Variants in AZIN2 observed in about 807,000 individuals in gnomAD.
AZIN2 encodes antizyme inhibitor 2, also known as ODC antizyme inhibitor-2.
In AZIN2, 28 loss-of-function variants were observed where a neutral mutation model predicts 47.8. The observed-to-expected ratio is 0.59, with a 90% CI of 0.43 to 0.80. The LOEUF is 0.80. Ranked by LOEUF, AZIN2 falls within the 30% of genes least tolerant of loss-of-function variation. AZIN2 has a pLI of 0.00. For synonymous variants in AZIN2, 221 were observed against 239.4 expected, an observed-to-expected ratio of 0.92 and a Z score of 0.71; for missense variants, 535 against 582.5, an observed-to-expected ratio of 0.92 and a Z score of 0.84.
At chr1:33,091,802 A>G (rs188529900) in intron 5 of AZIN2, among the ~76,000 whole-genome samples, 16 of 152,352 alleles carry the variant, frequency 1.1e-4, no homozygotes, top group African/African-American at 3.6e-4. Flanking sequence ...TTCATTCTGA[A>G]TGGGAACTCC....
chr1:33,090,081 C>G (rs548175473), intron 5 of AZIN2, among the ~76,000 whole-genome samples: 2 of 152,212 alleles, frequency 1.3e-5, no homozygotes, highest in African/African-American at 4.8e-5. Context: ...TGGCAAACTA[C>G]GGATGGAAGG....
the AZIN2 span, among the ~76,000 whole-genome samples, chr1:33,156,540 G>A: frequency 2.0e-5 from 3 of 152,152 alleles, no homozygotes; most frequent in South Asian, 2.1e-4. Flanking sequence ...GCTCCTTCTC[G>A]GTCTCCTTGG....
the AZIN2 span, chr1:33,165,581 G>T: frequency 6.3e-7 from 1 of 1,594,784 alleles, no homozygotes; most frequent in East Asian, 2.3e-5. The surrounding 1 kb of genome is among the most constrained non-coding windows in gnomAD (Gnocchi z 4.0). Flanking sequence ...AACACACACA[G>T]GGCCGGGATG....
At chr1:33,087,468 G>A (rs1642051863) in intron 5 of AZIN2, among the ~76,000 whole-genome samples, 1 of 144,950 alleles carries the variant, frequency 6.9e-6, no homozygotes, top group East Asian at 2.1e-4. Context: ...ACAGAGTCTT[G>A]CTCTGTTGCC....
rs183102274 is a variant in AZIN2 at position 33,115,596 on chromosome 1, C to T, written c.1030-2306C>T. 9.8e-5 allele frequency among the ~76,000 whole-genome samples: 10 copies of T among 102,064 alleles called. No homozygotes were observed. The East Asian group carries it at 2.6e-3, about 27-fold the overall frequency. 67.0% of individuals were successfully genotyped at this position (102,064 alleles called of 152,430 possible). ...GCCGGCACCTGTAATCTCAGCTACT[C>T]GGGAGGCTGAGACAGGAGAATCGCT... On this transcript the variant is annotated intron_variant, in intron 10 of 11. Transcript: ENST00000294517.
chr1:33,108,963 G>A (rs1465386294), intron 10 of AZIN2, among the ~76,000 whole-genome samples: 4 of 152,126 alleles, frequency 2.6e-5, no homozygotes, highest in Non-Finnish European at 4.4e-5. Context: ...ATTTCAAAGC[G>A]GCTGTACCAT....
rs777314914 is a variant in AZIN2, at chr1:33,109,518, G to A, written c.1030-8384G>A. ...TAGTTTTTGTATTTTTAGTAGAGAC[G>A]GGGTTTCACCATGTTGTCCAGGCTG... On this transcript the variant is annotated intron_variant, in intron 10 of 11. Coordinates refer to ENST00000294517, the MANE Select transcript of AZIN2 (RefSeq NM_052998.4). Among the ~76,000 whole-genome samples, 35 of 151,786 alleles carry A rather than the reference G, an allele frequency of 2.3e-4. No individual in the cohort carries two copies. The East Asian group carries it at 4.7e-3, about 20-fold the overall frequency.
At chr1:33,083,906 G>T in intron 4 of AZIN2, 48 bp from the exon 5 acceptor site, 1 of 1,607,622 alleles carries the variant, frequency 6.2e-7, no homozygotes, top group African/African-American at 1.3e-5. Context: ...GCATGCACAG[G>T]GTGCGAGCTG....
chr1:33,097,085 T>G (rs1013068839), intron 9 of AZIN2: 27 of 594,614 alleles, frequency 4.5e-5, no homozygotes, highest in Non-Finnish European at 7.3e-5. Flanking sequence ...TTGTGAAGAT[T>G]GAGAGCAAAA....
the AZIN2 span, chr1:33,145,787 C>T: frequency 4.4e-6 from 2 of 459,050 alleles, no homozygotes; most frequent in East Asian, 7.0e-5. Context: ...CACCCTCTCC[C>T]GAGTTCTTCA....
At chr1:33,151,386 G>C in the AZIN2 span, among the ~76,000 whole-genome samples, 3 of 152,080 alleles carry the variant, frequency 2.0e-5, no homozygotes, top group Non-Finnish European at 4.4e-5. Flanking sequence ...GCAGGGTGTG[G>C]CACCCTGGCT....
At chr1:33,157,850 G>C in the AZIN2 span, among the ~76,000 whole-genome samples, 6 of 151,968 alleles carry the variant, frequency 3.9e-5, no homozygotes, top group South Asian at 1.2e-3. Flanking sequence ...TCTGCCTCCT[G>C]GGTTCAAGCA....
intron 9 of AZIN2, 98 bp downstream of exon 9, chr1:33,096,967 G>T: frequency 6.9e-7 from 1 of 1,447,920 alleles, no homozygotes; most frequent in Non-Finnish European, 9.5e-7. Context: ...GGCAGAGGAT[G>T]GGGGAATCTG....
chr1:33,090,053 T>C (rs977555647), intron 5 of AZIN2, among the ~76,000 whole-genome samples: 1 of 152,110 alleles, frequency 6.6e-6, no homozygotes, highest in Non-Finnish European at 1.5e-5. Flanking sequence ...AATAAAAGGG[T>C]GAATCCAAAG....
the AZIN2 span, among the ~76,000 whole-genome samples, chr1:33,161,541 G>T: frequency 6.6e-6 from 1 of 152,144 alleles, no homozygotes; most frequent in Non-Finnish European, 1.5e-5. This position sits in a 1 kb window ranked among gnomAD's most constrained non-coding sequence, Gnocchi z 4.3. Flanking sequence ...AACTGCTGGC[G>T]GTGGGCCAGC....
At chr1:33,139,385 T>C in the AZIN2 span, among the ~76,000 whole-genome samples, 3 of 152,168 alleles carry the variant, frequency 2.0e-5, no homozygotes, top group Admixed American at 6.5e-5. Context: ...TGCAAAACCA[T>C]AGGACAGGAT....
chr1:33,159,809 T>C, the AZIN2 span: 7 of 1,613,800 alleles, frequency 4.3e-6, no homozygotes, highest in African/African-American at 4.0e-5. The surrounding 1 kb of genome is among the most constrained non-coding windows in gnomAD (Gnocchi z 4.2). Context: ...CGCTGGACTT[T>C]CTGCTCGATG....
At position 33,093,280 on chromosome 1, in the gene AZIN2, AG is replaced by A; in HGVS notation, c.453del. 6.2e-7 allele frequency: 1 copy of A among 1,613,926 alleles called. No homozygotes were observed. Among genetic ancestry groups the A allele is most frequent in the Non-Finnish European group, 8.5e-7 (1 of 1,179,872 alleles). ...GCAGAGGGGCACTGCGTGTCTCATC[AG>A]GATGGTTCTGTGCATTGCTACCGAT... On this transcript the variant is annotated splice_acceptor_variant, in intron 6 of 11. Transcript: ENST00000294517. LOFTEE classifies it high-confidence loss of function.
the AZIN2 span, among the ~76,000 whole-genome samples, chr1:33,131,487 GT>G: frequency 6.6e-6 from 1 of 152,100 alleles, no homozygotes; most frequent in Non-Finnish European, 1.5e-5. Flanking sequence ...AATTGAATGT[GT>G]TATAAGTGTA....
Sources: gnomAD v4.1 joint callset for allele counts (sites outside exome capture counted in the v4.1 genomes callset) on GRCh38, gnomAD v4.1.1 for gene constraint, Gnocchi (gnomAD v3.1) non-coding constraint, MANE v1.5 for transcripts, NCBI Gene and HGNC (gene_info 2026-07-23, HGNC 2026-07-21) for gene names.